TNFRSF10A: variants seen among roughly 807,000 people sequenced by gnomAD.
The protein encoded by TNFRSF10A is TNF receptor superfamily member 10a.
TNFRSF10A carries 44 observed loss-of-function variants against 42.8 expected under a neutral mutation model. The observed-to-expected ratio is 1.03, with a 90% CI of 0.81 to 1.32. TNFRSF10A has a LOEUF of 1.32. TNFRSF10A is among the 40% of genes most tolerant of loss of function. The pLI is 0.00. For synonymous variants in TNFRSF10A, 259 were observed against 234.2 expected, an observed-to-expected ratio of 1.11 and a Z score of -0.97; for missense variants, 680 against 602.0, an observed-to-expected ratio of 1.13 and a Z score of -1.36.
intron 1 of TNFRSF10A, among the ~76,000 whole-genome samples, chr8:23,214,490 A>G (rs1218173187): frequency 6.6e-6 from 1 of 151,952 alleles, no homozygotes; most frequent in African/African-American, 2.4e-5. Context: ...TGTCTCAAAA[A>G]AAAAAAACAG....
Position 23,224,902 on chromosome 8 carries a change from C to T in TNFRSF10A, c.160G>A (p.Ala54Thr). Reference sequence around the variant, plus strand: ...TGCTGTCCCATGGAGGTAGGGAGCGCTCCTCGGCCCCCGCCTCGTGGTTCA... The same window carrying T: ...TGCTGTCCCATGGAGGTAGGGAGCGTTCCTCGGCCCCCGCCTCGTGGTTCA... ...RIEPRGGGRG[A>T]LPTSMGQHGP... is the part of the protein sequence containing the mutation. The change falls in exon 1 of 10, where the codon GCG (alanine) becomes ACG (threonine). Residue 54 changes from alanine to threonine, a missense_variant. Coordinates refer to ENST00000221132, the MANE Select transcript of TNFRSF10A (RefSeq NM_003844.4). The T allele has an allele frequency of 6.3e-7, 1 of 1,594,752 alleles. No individual in the cohort carries two copies. The highest frequency in any genetic ancestry group is 8.5e-7 in the Non-Finnish European group (1 of 1,170,918).
At chr8:23,215,084 T>A (rs1229855014) in intron 1 of TNFRSF10A, among the ~76,000 whole-genome samples, 1 of 152,230 alleles carries the variant, frequency 6.6e-6, no homozygotes, top group Non-Finnish European at 1.5e-5. Context: ...GTTGGAAATA[T>A]CCACTCAAGT....
At chr8:23,202,088 C>T (rs76970256) in intron 3 of TNFRSF10A, among the ~76,000 whole-genome samples, 169 bp from the exon 4 acceptor site, 2,085 of 151,578 alleles carry the variant, frequency 0.014, 39 homozygotes, top group African/African-American at 0.04. Flanking sequence ...GACACCCACC[C>T]TTCAGCTGTC....
intron 2 of TNFRSF10A, among the ~76,000 whole-genome samples, chr8:23,211,329 G>A (rs1801089222): frequency 6.6e-6 from 1 of 152,006 alleles, no homozygotes. Context: ...TAAATATCTA[G>A]GAATAAGTTT....
intron 9 of TNFRSF10A, among the ~76,000 whole-genome samples, chr8:23,194,390 A>G (rs1234347010): frequency 5.3e-5 from 8 of 152,226 alleles, no homozygotes; most frequent in African/African-American, 1.7e-4. Context: ...GTAAAATAAG[A>G]AAACAGAAGT....
intron 3 of TNFRSF10A, 93 bp downstream of exon 3, chr8:23,202,555 G>T: frequency 1.1e-6 from 1 of 931,600 alleles, no homozygotes; most frequent in Non-Finnish European, 1.8e-6. Flanking sequence ...ACCAAGTTGG[G>T]CTGGAACTTG....
intron 2 of TNFRSF10A, 129 bp downstream of exon 2, chr8:23,211,985 CTG>C: frequency 1.3e-6 from 1 of 766,210 alleles, no homozygotes; most frequent in Non-Finnish European, 2.0e-6. Context: ...GAACCAGAAA[CTG>C]TAGGAAACAG....
chr8:23,200,787 G>T, intron 4 of TNFRSF10A, 27 bp from the exon 5 acceptor site: 5 of 1,561,872 alleles, frequency 3.2e-6, no homozygotes, highest in African/African-American at 1.4e-5. Flanking sequence ...AGGGAGGGGG[G>T]GGACTCTTGA....
At chr8:23,214,378 C>T (rs1170996977) in intron 1 of TNFRSF10A, among the ~76,000 whole-genome samples, 5 of 151,618 alleles carry the variant, frequency 3.3e-5, no homozygotes, top group Non-Finnish European at 7.4e-5. Context: ...GTCCCAGCTA[C>T]ACGGGAGGCT....
chr8:23,200,394 G>A, intron 6 of TNFRSF10A, 111 bp downstream of exon 6: 1 of 1,213,904 alleles, frequency 8.2e-7, no homozygotes, highest in Non-Finnish European at 1.2e-6. Context: ...GGAAGATAGA[G>A]CCCGGCCAGA....
chr8:23,221,879 C>CT (rs112390866), intron 1 of TNFRSF10A, among the ~76,000 whole-genome samples: 86 of 147,708 alleles, frequency 5.8e-4, no homozygotes, highest in African/African-American at 1.1e-3. Flanking sequence ...CTTGTGTATT[C>CT]TTTTTTTTTT....
chr8:23,191,814 C>CA lies in TNFRSF10A; in HGVS notation c.1286dup (p.Asp430GlyfsTer53), dbSNP rs1800758099. 1 of 1,613,964 alleles carries CA rather than the reference C, an allele frequency of 6.2e-7. No homozygotes were observed. ...TCTCTTCCATCCTCTCCAAGGCATC[C>CA]AGCAGGGTGTGGATCGAGGCGTTCC... is the stretch of plus-strand genomic sequence containing the variant. On this transcript the variant is annotated frameshift_variant, in exon 10 of 10. Coordinates refer to ENST00000221132, the MANE Select transcript of TNFRSF10A (RefSeq NM_003844.4). LOFTEE classifies it low-confidence loss of function (END_TRUNC).
chr8:23,207,471 CAAG>C, intron 2 of TNFRSF10A: 1 of 403,330 alleles, frequency 2.5e-6, no homozygotes, highest in East Asian at 5.6e-5. Context: ...CCAACCATTT[CAAG>C]AAGAATTAAT....
chr8:23,224,777 G>GACA lies in TNFRSF10A; in HGVS notation c.282_284dup (p.Val97dup). On this transcript the variant is annotated inframe_insertion, in exon 1 of 10. Transcript: ENST00000221132. ...TCACCTGCAGCAGGACCCCGACGAC[G>GACA]ACAAACTTGAAGGTCTTGTGGACCC... 1 of 1,569,108 alleles carries GACA rather than the reference G, an allele frequency of 6.4e-7. No homozygotes were observed.
At chr8:23,219,992 T>G (rs1801235791) in intron 1 of TNFRSF10A, among the ~76,000 whole-genome samples, 1 of 152,138 alleles carries the variant, frequency 6.6e-6, no homozygotes, top group East Asian at 1.9e-4. Context: ...ACACTTTCCC[T>G]CTCTGAGCTT....
chr8:23,225,010 G>T lies in TNFRSF10A; in HGVS notation c.52C>A (p.Pro18Thr). The stretch of plus-strand genomic sequence containing the variant: ...CCACTCGCTGCGCTCCCGGGATTCG[G>T]AGTCACTGCCAGGAACGCACCTAGA... ...VHLGAFLAVT[P>T]NPGSAASGTE... The change falls in exon 1 of 10, where the codon CCG (proline) becomes ACG (threonine). Residue 18 changes from proline (P) to threonine (T), a missense_variant. Transcript: ENST00000221132. 6.3e-7 allele frequency: 1 copy of T among 1,587,022 alleles called. No individual in the cohort carries two copies.
At chr8:23,220,820 G>C (rs542989765) in intron 1 of TNFRSF10A, among the ~76,000 whole-genome samples, 2 of 152,352 alleles carry the variant, frequency 1.3e-5, no homozygotes, top group South Asian at 4.1e-4. Context: ...ATACAGGACA[G>C]AGGACCAGAA....
chr8:23,222,968 A>T (rs1801277888), intron 1 of TNFRSF10A, among the ~76,000 whole-genome samples: 1 of 152,262 alleles, frequency 6.6e-6, no homozygotes, highest in Middle Eastern at 3.4e-3. Context: ...CTGAGGCCTC[A>T]CCAGAGGCAG....
At position 23,191,708 on chromosome 8, in the gene TNFRSF10A, C is replaced by A. The variant is rs761447580; in HGVS notation, c.1393G>T (p.Val465Leu). ...IYLEDGTGSA[V>L]SLE The stretch of plus-strand genomic sequence containing the variant: ...AAAAGAGTCTTTCACTCCAAGGACA[C>A]GGCAGAGCCTGTGCCATCTTCTAAG... The change falls in exon 10 of 10, where the codon GTG (valine) becomes TTG (leucine). Residue 465 changes from valine to leucine, a missense_variant. Val to Leu is a conservative substitution (Grantham distance 32, BLOSUM62 1). Transcript: ENST00000221132. The A allele has an allele frequency of 1.9e-6, 3 of 1,613,648 alleles. No homozygotes were observed. The highest frequency in any genetic ancestry group is 1.7e-6 in the Non-Finnish European group (2 of 1,179,804).
Sources: gnomAD v4.1 joint callset for allele counts (sites outside exome capture counted in the v4.1 genomes callset) on GRCh38, gnomAD v4.1.1 for gene constraint, MANE v1.5 for transcripts, NCBI Gene and HGNC (gene_info 2026-07-23, HGNC 2026-07-21) for gene names.